Variants in STK33 observed in about 807,000 individuals in gnomAD.
The protein encoded by STK33 is serine/threonine kinase 33, also known as serine/threonine-protein kinase 33.
A neutral mutation model predicts 58.0 loss-of-function variants in STK33; 52 were observed. That is an observed-to-expected ratio of 0.90 (90% CI 0.72 to 1.13). The LOEUF is 1.13. STK33 is among the 50% of genes most tolerant of loss of function. The pLI is 0.00. For missense variants in STK33, 630 were observed against 604.2 expected (o/e 1.04, Z -0.45); for synonymous variants, 215 against 200.1 (o/e 1.07, Z -0.63).
chr11:8,534,319 G>A (rs1038539048), intron 1 of STK33, among the ~76,000 whole-genome samples: 1 of 151,596 alleles, frequency 6.6e-6, no homozygotes, highest in African/African-American at 2.4e-5. Context: ...TCTGAGGAAA[G>A]ATTCCAGTAC....
At chr11:8,335,342 A>T in the STK33 span, among the ~76,000 whole-genome samples, 12 of 152,084 alleles carry the variant, frequency 7.9e-5, no homozygotes, top group African/African-American at 2.7e-4. Flanking sequence ...GAGGGCTCCC[A>T]CCTCTACTCA....
intron 1 of STK33, among the ~76,000 whole-genome samples, chr11:8,543,491 G>A (rs2140382668): frequency 6.6e-6 from 1 of 152,192 alleles, no homozygotes; most frequent in Admixed American, 6.5e-5. Context: ...AATAAACCAG[G>A]CACAGAAAGA....
chr11:8,491,740 A>T (rs1051620906), intron 1 of STK33, among the ~76,000 whole-genome samples: 2 of 152,228 alleles, frequency 1.3e-5, no homozygotes, highest in South Asian at 4.1e-4. Context: ...GACTAACAGC[A>T]GATCTCTCAG....
At chr11:8,445,816 A>G (rs1392563978) in intron 11 of STK33, among the ~76,000 whole-genome samples, 2 of 152,198 alleles carry the variant, frequency 1.3e-5, no homozygotes, top group Non-Finnish European at 2.9e-5. Flanking sequence ...ATCGCTGTTC[A>G]TCAGGGATAT....
chr11:8,570,789 C>A (rs1425790923), intron 1 of STK33, among the ~76,000 whole-genome samples: 2 of 152,102 alleles, frequency 1.3e-5, no homozygotes, highest in Non-Finnish European at 2.9e-5. Context: ...TCTTCATTGT[C>A]TGGCAGTTTC....
At chr11:8,509,397 T>C (rs899895733) in intron 1 of STK33, among the ~76,000 whole-genome samples, 1 of 152,120 alleles carries the variant, frequency 6.6e-6, no homozygotes, top group African/African-American at 2.4e-5. Context: ...GCCATGAAAA[T>C]ACACCCAAAT....
chr11:8,584,900 C>T (rs111587251), intron 1 of STK33, among the ~76,000 whole-genome samples: 2,068 of 151,228 alleles, frequency 0.014, 26 homozygotes, highest in Non-Finnish European at 0.02. Context: ...AGAGAAAATG[C>T]TACAGACAAA....
chr11:8,484,469 G>A (rs140683227), intron 1 of STK33, among the ~76,000 whole-genome samples: 29 of 152,218 alleles, frequency 1.9e-4, no homozygotes, highest in Middle Eastern at 3.4e-3. Context: ...ACAACCCTAC[G>A]GGAGCTTGCT....
At chr11:8,359,389 A>C in the STK33 span, among the ~76,000 whole-genome samples, 1 of 152,188 alleles carries the variant, frequency 6.6e-6, no homozygotes, top group African/African-American at 2.4e-5. Flanking sequence ...TCAGGGAAAA[A>C]AGTTATGCGT....
intron 1 of STK33, among the ~76,000 whole-genome samples, chr11:8,576,162 G>A (rs902596440): frequency 2.6e-5 from 4 of 152,074 alleles, no homozygotes; most frequent in Non-Finnish European, 5.9e-5. Flanking sequence ...GGACTGAATG[G>A]GGAGTTGAAA....
chr11:8,403,475 A>G (rs1305952620), intron 15 of STK33, among the ~76,000 whole-genome samples: 2 of 152,196 alleles, frequency 1.3e-5, no homozygotes, highest in Admixed American at 6.5e-5. Flanking sequence ...TAAAATGAAG[A>G]AGGAGGCATA....
chr11:8,348,528 C>T, the STK33 span, among the ~76,000 whole-genome samples: 3 of 152,122 alleles, frequency 2.0e-5, no homozygotes, highest in South Asian at 6.2e-4. Context: ...CATCAGATAC[C>T]TCCCATGATA....
chr11:8,448,412 A>C (rs1945805632), intron 11 of STK33, among the ~76,000 whole-genome samples: 1 of 152,366 alleles, frequency 6.6e-6, no homozygotes, highest in African/African-American at 2.4e-5. Context: ...CCAAAACAGC[A>C]TGGTACTGGT....
downstream of STK33, among the ~76,000 whole-genome samples, chr11:8,390,899 T>G (rs1251947150): frequency 2.0e-5 from 3 of 152,230 alleles, no homozygotes; most frequent in Non-Finnish European, 4.4e-5. Context: ...AATATCACTG[T>G]GAAAGTAAGA....
intron 1 of STK33, among the ~76,000 whole-genome samples, chr11:8,540,991 T>C (rs1955467703): frequency 7.4e-6 from 1 of 135,796 alleles, no homozygotes; most frequent in Non-Finnish European, 1.6e-5. Context: ...TCTCTCTCTC[T>C]CTCTATATAT....
chr11:8,526,108 A>C (rs1953997405), intron 1 of STK33, among the ~76,000 whole-genome samples: 1 of 152,180 alleles, frequency 6.6e-6, no homozygotes, highest in South Asian at 2.1e-4. Flanking sequence ...TACTTAAGAA[A>C]GTTATTTAGG....
chr11:8,368,591 T>C, the STK33 span, among the ~76,000 whole-genome samples: 1 of 152,226 alleles, frequency 6.6e-6, no homozygotes, highest in Non-Finnish European at 1.5e-5. Context: ...ATGCCAGTCA[T>C]TTCCGGGTGT....
intron 9 of STK33, among the ~76,000 whole-genome samples, chr11:8,455,234 T>A (rs1258266135): frequency 2.0e-5 from 3 of 152,248 alleles, no homozygotes; most frequent in Admixed American, 2.0e-4. Context: ...CATATGTTAC[T>A]GTCAGCATAA....
the STK33 span, among the ~76,000 whole-genome samples, chr11:8,358,128 C>T: frequency 6.6e-6 from 1 of 152,244 alleles, no homozygotes; most frequent in Non-Finnish European, 1.5e-5. Flanking sequence ...ACAGCTGCCA[C>T]TGGGCCTTCT....
Sources: allele counts gnomAD v4.1 joint callset (sites outside exome capture counted in the v4.1 genomes callset), GRCh38; gene constraint gnomAD v4.1.1; transcripts MANE v1.5; gene names NCBI Gene and HGNC (gene_info 2026-07-23, HGNC 2026-07-21).